HK1: variants seen among roughly 807,000 people sequenced by gnomAD.
HK1 encodes hexokinase-1.
Under a neutral mutation model 91.6 loss-of-function variants are expected in HK1, and 28 were observed. The ratio of observed to expected loss-of-function variants is 0.31; its 90% CI spans 0.23 to 0.42. HK1 has a LOEUF of 0.42. Among genes scored for constraint, HK1 ranks in the 10% least tolerant of loss-of-function variants. HK1 has a pLI of 1.00. For missense variants in HK1, 770 were observed against 1,219.8 expected, an observed-to-expected ratio of 0.63 and a Z score of 5.49; for synonymous variants, 430 against 468.1, an observed-to-expected ratio of 0.92 and a Z score of 1.05.
chr10:69,394,909 C>A (rs749375112), intron 15 of HK1, 41 bp from the exon 16 acceptor site: 8 of 1,609,232 alleles, frequency 5.0e-6, no homozygotes, highest in South Asian at 1.1e-5. Context: ...GTTCTCCTGG[C>A]CACTTCCCAT....
At chr10:69,382,925 C>T (rs1839465471) in intron 10 of HK1, 134 bp downstream of exon 10, 1 of 786,860 alleles carries the variant, frequency 1.3e-6, no homozygotes, top group Admixed American at 2.2e-5. Flanking sequence ...GAAACTCCCT[C>T]ACATCTCTGT....
chr10:69,287,600 G>A (rs552058396), intron 2 of HK1, among the ~76,000 whole-genome samples: 1 of 152,268 alleles, frequency 6.6e-6, no homozygotes, highest in African/African-American at 2.4e-5. Flanking sequence ...GCCAGGGGCT[G>A]GGGGAAGGAT....
At chr10:69,382,054 A>C (rs1839412329) in intron 9 of HK1, among the ~76,000 whole-genome samples, 1 of 152,156 alleles carries the variant, frequency 6.6e-6, no homozygotes, top group African/African-American at 2.4e-5. Context: ...ACTTTTCTAC[A>C]GTGGATGTAT....
intron 5 of HK1, among the ~76,000 whole-genome samples, chr10:69,301,244 C>CAAA (rs35215102): frequency 0.011 from 1,244 of 113,332 alleles, 20 homozygotes; most frequent in Middle Eastern, 0.019. Context: ...GACTCCATCT[C>CAAA]AAAAAAAAAA....
chr10:69,334,427 C>CCT (rs992795191), intron 1 of HK1, among the ~76,000 whole-genome samples: 1 of 152,156 alleles, frequency 6.6e-6, no homozygotes, highest in African/African-American at 2.4e-5. Flanking sequence ...TCTTTAGGCC[C>CCT]CTCTGTCCCT....
At chr10:69,287,401 G>GTGGGGATTA (rs1845080838) in intron 2 of HK1, among the ~76,000 whole-genome samples, 1 of 152,242 alleles carries the variant, frequency 6.6e-6, no homozygotes, top group Admixed American at 6.5e-5. Flanking sequence ...CCCTTGACAT[G>GTGGGGATTA]TGGGGATTAT....
chr10:69,283,568 G>A (rs950856590), intron 2 of HK1, among the ~76,000 whole-genome samples: 3 of 150,984 alleles, frequency 2.0e-5, no homozygotes, highest in Non-Finnish European at 4.4e-5. Flanking sequence ...ATTACTTGAG[G>A]TCAGGAGTTC....
intron 15 of HK1, among the ~76,000 whole-genome samples, chr10:69,393,586 C>T (rs550303880): frequency 5.3e-5 from 8 of 152,370 alleles, no homozygotes; most frequent in Admixed American, 1.3e-4. Context: ...CGTGAGCCAC[C>T]GTGCCCAGTG....
chr10:69,326,429 C>T (rs1395690309), intron 1 of HK1, among the ~76,000 whole-genome samples: 1 of 152,082 alleles, frequency 6.6e-6, no homozygotes, highest in Non-Finnish European at 1.5e-5. Flanking sequence ...AATTTATTCC[C>T]CATTTAGAAA....
At chr10:69,324,977 A>G (rs990335106) in intron 1 of HK1, among the ~76,000 whole-genome samples, 1 of 152,068 alleles carries the variant, frequency 6.6e-6, no homozygotes, top group Non-Finnish European at 1.5e-5. Context: ...TAAACAGTAC[A>G]CATCAGGGAT....
intron 5 of HK1, among the ~76,000 whole-genome samples, chr10:69,308,064 C>T (rs990099080): frequency 1.3e-5 from 2 of 152,206 alleles, no homozygotes; most frequent in East Asian, 1.9e-4. Context: ...GTTTTGAACT[C>T]CTGACCTCAA....
Position 69,389,233 on chromosome 10 carries a change from A to G in HK1, c.1972A>G (p.Thr658Ala). 1 of 1,614,096 alleles carries G rather than the reference A, an allele frequency of 6.2e-7. No homozygotes were observed. Among genetic ancestry groups the G allele is most frequent in the Non-Finnish European group, 8.5e-7 (1 of 1,179,966 alleles). Residue 658 changes from threonine (T) to alanine (A), a missense_variant, in exon 14 of 18, where the codon ACA becomes GCA. Coordinates refer to ENST00000359426, the MANE Select transcript of HK1 (RefSeq NM_000188.3). ...GGACGTGGTGGCTGTGGTCAACGAC[A>G]CAGTGGGCACCATGATGACCTGTGC... is the stretch of plus-strand genomic sequence containing the variant. ...DLDVVAVVND[T>A]VGTMMTCAYE...
At chr10:69,387,837 A>G (rs900621557) in intron 13 of HK1, among the ~76,000 whole-genome samples, 1 of 151,950 alleles carries the variant, frequency 6.6e-6, no homozygotes, top group Non-Finnish European at 1.5e-5. Flanking sequence ...AATTTAACTC[A>G]TTAATTAATG....
intron 5 of HK1, among the ~76,000 whole-genome samples, chr10:69,301,970 G>A (rs569320916): frequency 3.2e-4 from 48 of 152,250 alleles, no homozygotes; most frequent in African/African-American, 1.1e-3. Flanking sequence ...AGCAGGCTGG[G>A]TGTGGTGGCT....
chr10:69,317,782 G>C (rs1846726860), upstream of HK1, among the ~76,000 whole-genome samples: 1 of 152,186 alleles, frequency 6.6e-6, no homozygotes, highest in African/African-American at 2.4e-5. Context: ...TGTCTAACCA[G>C]AATAGCAACA....
In HK1 at chr10:69,319,120, G is replaced by A; in HGVS notation, c.63+110G>A. The A allele has an allele frequency of 2.3e-6, 3 of 1,283,450 alleles. No homozygotes were observed. The South Asian group carries it at 3.8e-5, about 16-fold the overall frequency. 79.5% of individuals were successfully genotyped at this position (1,283,450 alleles called of 1,614,324 possible). On this transcript the variant is annotated intron_variant, in intron 1 of 17. Transcript: ENST00000359426. ...CCGGCGCCCGGCCTTCTCCGGGCCA[G>A]CATCGAGTTGGACTGCAGGGCGCAA...
chr10:69,387,872 A>AC (rs1839717346), intron 13 of HK1, among the ~76,000 whole-genome samples: 2 of 98,878 alleles, frequency 2.0e-5, no homozygotes, highest in Admixed American at 2.2e-4. Flanking sequence ...AGACTGTTTT[A>AC]AATTTTTTTT....
At chr10:69,333,937 C>T (rs1200038261) in intron 1 of HK1, among the ~76,000 whole-genome samples, 1 of 151,976 alleles carries the variant, frequency 6.6e-6, no homozygotes, top group Admixed American at 6.6e-5. Context: ...ATGGTGAAAC[C>T]GTGTCTCTAC....
At chr10:69,318,792 C>A, upstream of HK1, 4 of 1,360,926 alleles carry the variant, frequency 2.9e-6, no homozygotes, top group Non-Finnish European at 3.8e-6. Context: ...AGACCGGGAG[C>A]GCGCGAGCTG....
Sources: gnomAD v4.1 joint callset for allele counts (sites outside exome capture counted in the v4.1 genomes callset) on GRCh38, gnomAD v4.1.1 for gene constraint, MANE v1.5 for transcripts, NCBI Gene and HGNC (gene_info 2026-07-23, HGNC 2026-07-21) for gene names.